KMT2A: variants seen among roughly 807,000 people sequenced by gnomAD.
KMT2A encodes lysine methyltransferase 2A, also known as histone-lysine N-methyltransferase 2A.
KMT2A carries 16 observed loss-of-function variants against 345.3 expected under a neutral mutation model. That is an observed-to-expected ratio of 0.05 (90% CI 0.03 to 0.07). The LOEUF is 0.07. Ranked by LOEUF, KMT2A falls within the 10% of genes least tolerant of loss-of-function variation. The pLI, the probability that KMT2A is intolerant of heterozygous loss-of-function variation, is 1.00. For missense variants in KMT2A, 3,272 were observed against 4,841.6 expected, an observed-to-expected ratio of 0.68 and a Z score of 9.62; for synonymous variants, 1,599 against 1,778.6, an observed-to-expected ratio of 0.90 and a Z score of 2.54.
In KMT2A at chr11:118,495,554, C is replaced by A; in HGVS notation, c.5364-146C>A. 1.9e-6 allele frequency: 1 copy of A among 522,912 alleles called. No homozygotes were observed. Among genetic ancestry groups the A allele is most frequent in the Non-Finnish European group, 3.3e-6 (1 of 304,534 alleles). The allele number at this position is 522,912 out of a possible 1,614,324, so 32.4% of individuals were successfully genotyped here. A position where few individuals can be genotyped will look rare whatever the true frequency, so the allele number is the denominator to read the frequency against. The stretch of plus-strand genomic sequence containing the variant: ...TTAAAATATTGAGTTCTGTGTACTT[C>A]AGCAATTTTCAAACGCTGTGACTTG... On this transcript the variant is annotated intron_variant, in intron 18 of 35. Transcript: ENST00000534358. The surrounding 1 kb of genome is among the most constrained non-coding windows in gnomAD (Gnocchi z 4.1).
rs2134260408 is a variant in KMT2A, at chr11:118,472,326, A to G, written c.1167A>G (p.Lys389=). The change falls in exon 3 of 36, where the codon AAA becomes AAG. Residue 389 remains lysine, a synonymous_variant. Transcript: ENST00000534358. ...AGGGGGCTCAAAAGAAAATTGAAAA[A>G]GAAGCAGCTCAGCTGCAGGGAAGAA... ...AKKGAQKKIE[K]EAAQLQGRKV... is the part of the protein sequence containing the mutation. 1 of 1,614,214 alleles carries G rather than the reference A, an allele frequency of 6.2e-7. No homozygotes were observed. The highest frequency in any genetic ancestry group is 8.5e-7 in the Non-Finnish European group (1 of 1,180,038).
chr11:118,472,769 G>A lies in KMT2A; in HGVS notation c.1610G>A (p.Ser537Asn). The A allele has an allele frequency of 6.2e-7, 1 of 1,613,754 alleles. No homozygotes were observed. Among genetic ancestry groups the A allele is most frequent in the Admixed American group, 1.7e-5 (1 of 59,938 alleles). Reference sequence around the variant, plus strand: ...AGAAGGTATTCAGTGTCGGAGAGAAGTTTTGGATCTAGAACGACGAAAAAA... The same window carrying A: ...AGAAGGTATTCAGTGTCGGAGAGAAATTTTGGATCTAGAACGACGAAAAAA... ...RSRRYSVSER[S>N]FGSRTTKKLS... The change falls in exon 3 of 36, where the codon AGT (serine) becomes AAT (asparagine). Residue 537 changes from serine to asparagine, a missense_variant. This residue lies in a region of KMT2A where 180 missense variants were observed against 190.7 expected (regional missense o/e 0.94). Coordinates refer to ENST00000534358, the MANE Select transcript of KMT2A (RefSeq NM_001197104.2).
rs1358865704 is a variant in KMT2A at position 118,502,710 on chromosome 11, T to C, written c.6818T>C (p.Val2273Ala). ...ACCTCTTCAAATTTGCAAAGGACAG[T>C]GGTTACTGTAGGCAATAAAAACAGT... is the stretch of plus-strand genomic sequence containing the variant. ...TSTSSNLQRT[V>A]VTVGNKNSHL... Residue 2273 changes from valine to alanine, a missense_variant, in exon 27 of 36, where the codon GTG (valine) becomes GCG (alanine). Physicochemically the swap from Val to Ala is moderately conservative, Grantham distance 64. Around this residue, in one of 27 missense-constraint regions of KMT2A, gnomAD observed 445 missense variants for 500.9 expected, o/e 0.89. Coordinates refer to ENST00000534358, the MANE Select transcript of KMT2A (RefSeq NM_001197104.2). This position sits in a 1 kb window ranked among gnomAD's most constrained non-coding sequence, Gnocchi z 4.9. 3 of 1,614,036 alleles carry C rather than the reference T, an allele frequency of 1.9e-6. No homozygotes were observed. Among genetic ancestry groups the C allele is most frequent in the Non-Finnish European group, 2.5e-6 (3 of 1,180,050 alleles).
At position 118,502,670 on chromosome 11, in the gene KMT2A, G is replaced by A; in HGVS notation, c.6778G>A (p.Gly2260Arg). 6.2e-7 allele frequency: 1 copy of A among 1,614,122 alleles called. No individual in the cohort carries two copies. Among genetic ancestry groups the A allele is most frequent in the East Asian group, 2.2e-5 (1 of 44,886 alleles). ...LGPLNSSTSL[G>R]QNTSTSSNLQ... ...GCCACTGAATTCAAGTACTAGTTTA[G>A]GGCAAAACACTTCCACCTCTTCAAA... is the stretch of plus-strand genomic sequence containing the variant. Residue 2260 changes from glycine (G) to arginine (R), a missense_variant, in exon 27 of 36, where the codon GGG becomes AGG. Transcript: ENST00000534358. The surrounding 1 kb of genome is among the most constrained non-coding windows in gnomAD (Gnocchi z 4.9).
intron 5 of KMT2A, 42 bp downstream of exon 5, chr11:118,478,243 T>C (rs1555038146): frequency 1.4e-6 from 2 of 1,471,310 alleles, no homozygotes; most frequent in East Asian, 4.5e-5. Context: ...CTCTCAACCA[T>C]AAAGGTTGCT....
At chr11:118,443,525 G>A (rs1428545666) in intron 1 of KMT2A, among the ~76,000 whole-genome samples, 1 of 152,204 alleles carries the variant, frequency 6.6e-6, no homozygotes, top group Non-Finnish European at 1.5e-5. Flanking sequence ...TGTAATTGTT[G>A]TGGATGATAT....
rs1241471105 is a variant in KMT2A at position 118,468,860 on chromosome 11, T to A, written c.502+16T>A. The A allele has an allele frequency of 6.2e-7, 1 of 1,604,868 alleles. No homozygotes were observed. Among genetic ancestry groups the A allele is most frequent in the Non-Finnish European group, 8.5e-7 (1 of 1,171,902 alleles). On this transcript the variant is annotated intron_variant, in intron 2 of 35. Transcript: ENST00000534358. ...TCTCCTTCAGGTACGGCCAATTAAG[T>A]GCATGGTGCCTTTTAAGTTTTGTTT...
chr11:118,500,299 C>A (rs1347170605), intron 24 of KMT2A, among the ~76,000 whole-genome samples: 2 of 152,060 alleles, frequency 1.3e-5, no homozygotes, highest in Admixed American at 1.3e-4. Context: ...ACTATAAATC[C>A]ACACAATAAT....
Position 118,505,529 on chromosome 11 carries a change from A to G in KMT2A, c.9637A>G (p.Thr3213Ala). 6.2e-7 allele frequency: 1 copy of G among 1,614,102 alleles called. No individual in the cohort carries two copies. Among genetic ancestry groups the G allele is most frequent in the Non-Finnish European group, 8.5e-7 (1 of 1,180,012 alleles). ...ESSQRTDLST[T>A]VATPSSGLKK... Reference sequence around the variant, plus strand: ...CAGCCAGAGGACAGACCTCAGTACCACAGTAGCCACTCCATCCTCTGGACT... The same window carrying G: ...CAGCCAGAGGACAGACCTCAGTACCGCAGTAGCCACTCCATCCTCTGGACT... Residue 3213 changes from threonine to alanine, a missense_variant, in exon 27 of 36, where the codon ACA (threonine) becomes GCA (alanine). This residue lies in a region of KMT2A where 748 missense variants were observed against 922.2 expected (regional missense o/e 0.81). Coordinates refer to ENST00000534358, the MANE Select transcript of KMT2A (RefSeq NM_001197104.2). This position sits in a 1 kb window ranked among gnomAD's most constrained non-coding sequence, Gnocchi z 4.6.
intron 1 of KMT2A, among the ~76,000 whole-genome samples, chr11:118,437,180 C>T (rs1401251900): frequency 2.6e-5 from 4 of 151,688 alleles, no homozygotes; most frequent in Non-Finnish European, 4.4e-5. Flanking sequence ...TCTCCTCCCC[C>T]TGACCCTTCC....
In KMT2A at chr11:118,510,142, C is replaced by A; in HGVS notation, c.11071+24C>A. The stretch of plus-strand genomic sequence containing the variant: ...AGGTGAGTGGATTAAATCAGGTTGA[C>A]CCATCAGCAGAAGCCCTGTTTCAGC... On this transcript the variant is annotated intron_variant, in intron 30 of 35. Transcript: ENST00000534358. This position sits in a 1 kb window ranked among gnomAD's most constrained non-coding sequence, Gnocchi z 4.1. The A allele has an allele frequency of 6.4e-7, 1 of 1,567,972 alleles. No individual in the cohort carries two copies. The highest frequency in any genetic ancestry group is 8.7e-7 in the Non-Finnish European group (1 of 1,151,086).
chr11:118,491,958 C>G lies in KMT2A; in HGVS notation c.5004+30C>G, dbSNP rs782566884. On this transcript the variant is annotated intron_variant, in intron 15 of 35. Transcript: ENST00000534358. This position sits in a 1 kb window ranked among gnomAD's most constrained non-coding sequence, Gnocchi z 4.2. ...GCCAAGTCTCATTTTTTTCTGAGAG[C>G]TTGTTCTTAGGTAGTCTTTACCTAG... 3.9e-6 allele frequency: 6 copies of G among 1,550,412 alleles called. No individual in the cohort carries two copies. Among genetic ancestry groups the G allele is most frequent in the Non-Finnish European group, 4.4e-6 (5 of 1,128,878 alleles).
Position 118,498,258 on chromosome 11 carries a change from A to C in KMT2A, c.5803-112A>C. ...TTTTATCTGTTTTCAATTTATCAAT[A>C]GATAAAATGAATTGTAGGAACTGTA... On this transcript the variant is annotated intron_variant, in intron 21 of 35. Transcript: ENST00000534358. The surrounding 1 kb of genome is among the most constrained non-coding windows in gnomAD (Gnocchi z 4.4). 8.5e-7 allele frequency: 1 copy of C among 1,181,044 alleles called. No individual in the cohort carries two copies. The highest frequency in any genetic ancestry group is 1.5e-5 in the African/African-American group (1 of 65,442). 73.2% of individuals were successfully genotyped at this position (1,181,044 alleles called of 1,614,324 possible). A position where few individuals can be genotyped will look rare whatever the true frequency, so the allele number is the denominator to read the frequency against.
chr11:118,440,553 A>ATTAATATTAATGTTATTAATGTTAT (rs1555139891), intron 1 of KMT2A, among the ~76,000 whole-genome samples: 2 of 152,212 alleles, frequency 1.3e-5, no homozygotes, highest in Admixed American at 1.3e-4. Context: ...TATTAATGTC[A>ATTAATATTAATGTTATTAATGTTAT]TAATCCAGTT....
chr11:118,500,511 T>C (rs185209545), intron 24 of KMT2A, among the ~76,000 whole-genome samples: 49 of 152,318 alleles, frequency 3.2e-4, no homozygotes, highest in Non-Finnish European at 3.1e-4. Flanking sequence ...TGGCAGCTTT[T>C]CACACAAACC....
rs114451765 is a variant in KMT2A, at chr11:118,480,713, G to T, written c.3634+475G>T. 7.2e-3 allele frequency among the ~76,000 whole-genome samples: 1,090 copies of T among 151,900 alleles called. 16 individuals carry two copies. The highest frequency in any genetic ancestry group is 0.025 in the African/African-American group (1,024 of 41,400). ...AGTCTCACTCTGTCTTTCAGGCTGG[G>T]GTGCAGTAGCATGATTATGACTCAC... On this transcript the variant is annotated intron_variant, in intron 6 of 35. Coordinates refer to ENST00000534358, the MANE Select transcript of KMT2A (RefSeq NM_001197104.2).
At chr11:118,492,053 G>A in intron 15 of KMT2A, 125 bp downstream of exon 15, 1 of 679,760 alleles carries the variant, frequency 1.5e-6, no homozygotes, top group Non-Finnish European at 2.4e-6. Context: ...ATAACCATTA[G>A]GAAAATATTT....
chr11:118,436,910 T>C lies in KMT2A; in HGVS notation c.398T>C (p.Phe133Ser). ...AACCTGCGCCGGTTCCGGGCCGTGT[T>C]TGGGGAGAGCGGCGGGGGAGGCGGC... is the stretch of plus-strand genomic sequence containing the variant. ...GTNLRRFRAV[F>S]GESGGGGGSG... The change falls in exon 1 of 36, where the codon TTT becomes TCT. Residue 133 changes from phenylalanine (F) to serine (S), a missense_variant. Around this residue, in one of 27 missense-constraint regions of KMT2A, gnomAD observed 412 missense variants for 511.0 expected, o/e 0.81. Transcript: ENST00000534358. The surrounding 1 kb of genome is among the most constrained non-coding windows in gnomAD (Gnocchi z 6.9). 2 of 1,571,082 alleles carry C rather than the reference T, an allele frequency of 1.3e-6. No individual in the cohort carries two copies.
chr11:118,480,123 G>A, intron 5 of KMT2A, 51 bp from the exon 6 acceptor site: 1 of 1,414,224 alleles, frequency 7.1e-7, no homozygotes, highest in Non-Finnish European at 1.0e-6. Flanking sequence ...TTGTTTCAGT[G>A]CTTTTCTTCT....
Sources: allele counts gnomAD v4.1 joint callset (sites outside exome capture counted in the v4.1 genomes callset), GRCh38; gene constraint gnomAD v4.1.1; regional missense constraint gnomAD v4.1.1; non-coding constraint Gnocchi (gnomAD v3.1); transcripts MANE v1.5; gene names NCBI Gene and HGNC (gene_info 2026-07-23, HGNC 2026-07-21).